PRKN: variants seen among roughly 807,000 people sequenced by gnomAD.
PRKN encodes parkin RBR E3 ubiquitin protein ligase, also known as E3 ubiquitin-protein ligase parkin.
PRKN carries 56 observed loss-of-function variants against 59.5 expected under a neutral mutation model. That is an observed-to-expected ratio of 0.94 (90% CI 0.76 to 1.18). PRKN has a LOEUF of 1.18. Among genes scored for constraint, PRKN ranks in the 50% most tolerant of loss-of-function variants. PRKN has a pLI of 0.00. For missense variants in PRKN, 657 were observed against 596.4 expected, an observed-to-expected ratio of 1.10 and a Z score of -1.06; for synonymous variants, 250 against 222.1, an observed-to-expected ratio of 1.13 and a Z score of -1.12.
At chr6:162,403,433 T>C (rs1479211261) in intron 2 of PRKN, among the ~76,000 whole-genome samples, 1 of 152,138 alleles carries the variant, frequency 6.6e-6, no homozygotes. Context: ...CTGCTTCCTA[T>C]CCCCAGCGAG....
intron 3 of PRKN, among the ~76,000 whole-genome samples, chr6:162,208,588 GT>G (rs1460534087): frequency 1.3e-5 from 2 of 152,052 alleles, no homozygotes; most frequent in Non-Finnish European, 2.9e-5. Flanking sequence ...AGACAAAACT[GT>G]AGAGTGAAGC....
At chr6:161,739,640 T>G (rs933557834) in intron 7 of PRKN, among the ~76,000 whole-genome samples, 5 of 152,202 alleles carry the variant, frequency 3.3e-5, no homozygotes, top group African/African-American at 4.8e-5. Flanking sequence ...TTGAAAGATG[T>G]TTGCCAAATA....
At chr6:161,837,777 AAGG>A (rs1218802555) in intron 6 of PRKN, among the ~76,000 whole-genome samples, 2 of 152,352 alleles carry the variant, frequency 1.3e-5, no homozygotes, top group African/African-American at 2.4e-5. Flanking sequence ...AAGTCTGAAG[AAGG>A]AGAACTGCAT....
intron 1 of PRKN, among the ~76,000 whole-genome samples, chr6:162,596,889 A>T (rs1197384911): frequency 1.3e-5 from 2 of 152,174 alleles, no homozygotes; most frequent in African/African-American, 4.8e-5. Context: ...TGCATGGGGA[A>T]TCCGATCCCC....
At chr6:161,612,782 G>A (rs1389449720) in intron 7 of PRKN, among the ~76,000 whole-genome samples, 1 of 151,046 alleles carries the variant, frequency 6.6e-6, no homozygotes, top group Non-Finnish European at 1.5e-5. Context: ...TAAATGGAAT[G>A]GCAAAGACAG....
chr6:162,299,253 C>A (rs1781830671), intron 2 of PRKN, among the ~76,000 whole-genome samples: 1 of 152,268 alleles, frequency 6.6e-6, no homozygotes, highest in East Asian at 1.9e-4. Flanking sequence ...TCACTGTGAG[C>A]TCCCGACTTA....
intron 2 of PRKN, chr6:162,265,248 G>A (rs1413327403): frequency 6.6e-6 from 1 of 152,026 alleles, no homozygotes; most frequent in East Asian, 1.9e-4. Context: ...TCAAAATCAT[G>A]CACGCCTGTA....
intron 7 of PRKN, among the ~76,000 whole-genome samples, chr6:161,643,765 C>T (rs1783825033): frequency 6.6e-6 from 1 of 152,140 alleles, no homozygotes; most frequent in South Asian, 2.1e-4. Context: ...TCTCTCGACC[C>T]ACTTTTTACT....
chr6:161,474,141 T>C (rs947583082), intron 9 of PRKN, among the ~76,000 whole-genome samples: 20 of 152,166 alleles, frequency 1.3e-4, no homozygotes, highest in Non-Finnish European at 2.6e-4. Context: ...TGTGGTGGCA[T>C]GGATTTGTAT....
At chr6:162,013,491 A>G (rs1388227893) in intron 5 of PRKN, among the ~76,000 whole-genome samples, 1 of 152,174 alleles carries the variant, frequency 6.6e-6, no homozygotes, top group East Asian at 1.9e-4. Context: ...TGCCAGGTGT[A>G]TTCATTCCTA....
At chr6:161,946,405 C>CAG (rs1779775762) in intron 6 of PRKN, among the ~76,000 whole-genome samples, 1 of 98,664 alleles carries the variant, frequency 1.0e-5, no homozygotes, top group Admixed American at 1.1e-4. Flanking sequence ...CACACACACA[C>CAG]ACACACACAC....
chr6:162,486,162 T>C (rs1792529282), intron 1 of PRKN, among the ~76,000 whole-genome samples: 1 of 152,208 alleles, frequency 6.6e-6, no homozygotes, highest in East Asian at 1.9e-4. Context: ...AAAGTGCTGT[T>C]AATATTTTGG....
chr6:161,971,709 A>G (rs1780814601), intron 6 of PRKN, among the ~76,000 whole-genome samples: 1 of 147,132 alleles, frequency 6.8e-6, no homozygotes, highest in Non-Finnish European at 1.5e-5. Context: ...GGTTTGTTCA[A>G]CAGATGCTGT....
intron 1 of PRKN, among the ~76,000 whole-genome samples, chr6:162,516,675 A>G (rs1405091615): frequency 6.6e-6 from 1 of 151,952 alleles, no homozygotes; most frequent in Non-Finnish European, 1.5e-5. Flanking sequence ...TGGCATGAGA[A>G]TCACTTGAGT....
rs756053886 is a variant in PRKN, at chr6:161,813,843, T to G, written c.735-27935A>C. On this transcript the variant is annotated intron_variant, in intron 6 of 11. Transcript: ENST00000366898. The stretch of plus-strand genomic sequence containing the variant: ...GCCACTTACTTCTGAAAGACTGGGG[T>G]GCTGATGGAGCTGGCAGTTTCTGGG... Among the ~76,000 whole-genome samples, 109 of 152,184 alleles carry G rather than the reference T, an allele frequency of 7.2e-4. 9 individuals carry two copies. Among genetic ancestry groups the G allele is most frequent in the Non-Finnish European group, 1.0e-4 (7 of 68,032 alleles).
At chr6:161,913,710 C>T (rs886504267) in intron 6 of PRKN, among the ~76,000 whole-genome samples, 2 of 152,136 alleles carry the variant, frequency 1.3e-5, no homozygotes, top group Non-Finnish European at 2.9e-5. Context: ...TACAGCGATA[C>T]ATGAACTGTT....
intron 7 of PRKN, among the ~76,000 whole-genome samples, chr6:161,683,743 T>C (rs1366093503): frequency 2.0e-5 from 3 of 152,056 alleles, no homozygotes; most frequent in Non-Finnish European, 2.9e-5. Context: ...ACCATGGCCA[T>C]ATTGATAGCT....
intron 6 of PRKN, among the ~76,000 whole-genome samples, chr6:161,914,558 G>T (rs1562387199): frequency 6.6e-6 from 1 of 150,846 alleles, no homozygotes; most frequent in Non-Finnish European, 1.5e-5. Context: ...TTATTAAAAA[G>T]AAAAAAAAAT....
At chr6:162,575,858 G>A (rs370131354) in intron 1 of PRKN, among the ~76,000 whole-genome samples, 3 of 151,972 alleles carry the variant, frequency 2.0e-5, no homozygotes, top group African/African-American at 4.8e-5. Flanking sequence ...GAGAACAATC[G>A]GCCTGGAGGT....
Sources: allele counts gnomAD v4.1 joint callset (sites outside exome capture counted in the v4.1 genomes callset), GRCh38; gene constraint gnomAD v4.1.1; transcripts MANE v1.5; gene names NCBI Gene and HGNC (gene_info 2026-07-23, HGNC 2026-07-21).